The following SENP1 variants were observed in gnomAD, a reference collection of about 807,000 sequenced individuals.
SENP1 encodes SUMO specific peptidase 1.
SENP1 carries 21 observed loss-of-function variants against 93.0 expected under a neutral mutation model. That is an observed-to-expected ratio of 0.23 (90% CI 0.16 to 0.33). SENP1 has a LOEUF of 0.33. Among genes scored for constraint, SENP1 ranks in the 10% least tolerant of loss-of-function variants. The probability of loss-of-function intolerance (pLI) is 1.00; values close to 1 mark genes in which losing one functional copy is unlikely to be tolerated. For missense variants in SENP1, 591 were observed against 758.7 expected (o/e 0.78, Z 2.60); for synonymous variants, 256 against 259.6 (o/e 0.99, Z 0.13).
Position 48,101,268 on chromosome 12 carries a change from A to C in SENP1, c.4+201T>G, listed in dbSNP as rs533598227. Among the ~76,000 whole-genome samples, 24 of 152,392 alleles carry C rather than the reference A, an allele frequency of 1.6e-4. No homozygotes were observed. The East Asian group carries it at 4.2e-3, about 27-fold the overall frequency. ...GCTACTGCACTCCAGCCTGGGTGAC[A>C]GAGCAAGACTACGTTTCAAAAATAG... On this transcript the variant is annotated intron_variant, in intron 2 of 17. Coordinates refer to ENST00000549518, the MANE Select transcript of SENP1 (RefSeq NM_001267594.2).
intron 6 of SENP1, among the ~76,000 whole-genome samples, chr12:48,082,235 C>CA: frequency 6.6e-6 from 1 of 152,138 alleles, no homozygotes; most frequent in East Asian, 1.9e-4. Context: ...TTTTAGTAAC[C>CA]ATATCACAAA....
rs1345538550 is a variant in SENP1, at chr12:48,105,965, A to G, written c.-45+63T>C. ...CCCGGGCCGGCTGACCGGGTCCGACACAGTCTCCTGGACCAGGCTCCCTCC... is the reference window on the plus strand; with the variant it reads ...CCCGGGCCGGCTGACCGGGTCCGACGCAGTCTCCTGGACCAGGCTCCCTCC... On this transcript the variant is annotated intron_variant, in intron 1 of 17. Transcript: ENST00000549518. The G allele has an allele frequency of 3.9e-5, 27 of 698,170 alleles. No homozygotes were observed. In the Admixed American group the frequency reaches 5.4e-4, roughly 14 times the overall value. The allele number at this position is 698,170 out of a possible 1,614,324, so 43.2% of individuals were successfully genotyped here.
chr12:48,054,448 A>T (rs1294240314), intron 13 of SENP1, among the ~76,000 whole-genome samples: 1 of 152,148 alleles, frequency 6.6e-6, no homozygotes, highest in African/African-American at 2.4e-5. Context: ...TTTGCAGGGT[A>T]TATTTTTTCT....
intron 2 of SENP1, among the ~76,000 whole-genome samples, chr12:48,099,587 G>T (rs76276001): frequency 0.02 from 3,080 of 152,156 alleles, 46 homozygotes; most frequent in South Asian, 0.049. Flanking sequence ...AGGCTGAGGT[G>T]GGCGGATCAC....
chr12:48,043,464 A>G lies in SENP1; in HGVS notation c.*1858T>C. On this transcript the variant is annotated 3_prime_UTR_variant, in exon 18 of 18. Transcript: ENST00000549518. Reference sequence around the variant, plus strand: ...TGCCACCTTTCAAGTTGTTGCTTACATACAGTAAATACCAAGAACCAGACA... The same window carrying G: ...TGCCACCTTTCAAGTTGTTGCTTACGTACAGTAAATACCAAGAACCAGACA... 6.5e-6 allele frequency: 1 copy of G among 152,768 alleles called. No homozygotes were observed. The allele number at this position is 152,768 out of a possible 1,614,324, so 9.5% of individuals were successfully genotyped here.
At chr12:48,079,283 A>C (rs1014313430) in intron 6 of SENP1, among the ~76,000 whole-genome samples, 1 of 152,108 alleles carries the variant, frequency 6.6e-6, no homozygotes, top group Admixed American at 6.6e-5. Flanking sequence ...GTGGATCATG[A>C]AGTCAGTAGA....
Position 48,083,787 on chromosome 12 carries a change from A to G in SENP1, c.381-25T>C, listed in dbSNP as rs370894258. 1.5e-5 allele frequency: 23 copies of G among 1,509,178 alleles called. 1 individual carries two copies. The South Asian group carries it at 2.7e-4, about 18-fold the overall frequency. The allele number at this position is 1,509,178 out of a possible 1,614,324, so 93.5% of individuals were successfully genotyped here. On this transcript the variant is annotated intron_variant, in intron 5 of 17. Coordinates refer to ENST00000549518, the MANE Select transcript of SENP1 (RefSeq NM_001267594.2). ...ACTAAAAAAAGAGTTTGTAAGAAAG[A>G]TAAGAACAGATAATAAGTAAAATAA...
intron 9 of SENP1, among the ~76,000 whole-genome samples, chr12:48,069,584 C>T (rs762338536): frequency 1.3e-5 from 2 of 152,202 alleles, no homozygotes; most frequent in Non-Finnish European, 2.9e-5. Flanking sequence ...AAGAAAGTTG[C>T]ATGCATCTTG....
At chr12:48,094,228 A>G (rs1945404348) in intron 4 of SENP1, among the ~76,000 whole-genome samples, 1 of 152,086 alleles carries the variant, frequency 6.6e-6, no homozygotes, top group Admixed American at 6.6e-5. Context: ...ATTTTTCAAA[A>G]CATTAGCCAG....
chr12:48,093,892 G>C (rs1043034068), intron 4 of SENP1, among the ~76,000 whole-genome samples: 2 of 152,284 alleles, frequency 1.3e-5, no homozygotes, highest in African/African-American at 4.8e-5. Flanking sequence ...CAGCCAGGAG[G>C]TGCAGGTTGC....
At chr12:48,089,416 A>G (rs1011179663) in intron 4 of SENP1, 1 of 1,018,242 alleles carries the variant, frequency 9.8e-7, no homozygotes, top group African/African-American at 1.7e-5. Context: ...TTTAGTTACC[A>G]TGTTCAAGAC....
intron 6 of SENP1, among the ~76,000 whole-genome samples, chr12:48,076,632 T>C (rs1281459220): frequency 7.0e-6 from 1 of 142,436 alleles, no homozygotes; most frequent in African/African-American, 2.6e-5. Context: ...GCACCCAATA[T>C]GTAGTTTTTG....
At chr12:48,087,878 A>G (rs1469133522) in intron 5 of SENP1, among the ~76,000 whole-genome samples, 3 of 152,232 alleles carry the variant, frequency 2.0e-5, no homozygotes, top group Non-Finnish European at 4.4e-5. Flanking sequence ...GAATTTAAGT[A>G]GTCATAAATA....
intron 1 of SENP1, among the ~76,000 whole-genome samples, chr12:48,102,955 T>G (rs1460133832): frequency 6.6e-6 from 1 of 152,170 alleles, no homozygotes; most frequent in Admixed American, 6.5e-5. Context: ...ATGCTCAACT[T>G]AAAAGGCTTC....
intron 6 of SENP1, among the ~76,000 whole-genome samples, chr12:48,083,196 C>A (rs1458292412): frequency 6.6e-6 from 1 of 152,194 alleles, no homozygotes; most frequent in Non-Finnish European, 1.5e-5. Flanking sequence ...TGAGCCACGT[C>A]ACGTGGACTG....
At chr12:48,076,011 G>C (rs1165132067) in intron 6 of SENP1, among the ~76,000 whole-genome samples, 2 of 152,196 alleles carry the variant, frequency 1.3e-5, no homozygotes, top group African/African-American at 4.8e-5. Context: ...ATGTGAATCA[G>C]AAGAGTAGGA....
At position 48,088,830 on chromosome 12, in the gene SENP1, A is replaced by G; in HGVS notation, c.351T>C (p.Ser117=). The G allele has an allele frequency of 6.2e-7, 1 of 1,609,632 alleles. No individual in the cohort carries two copies. Among genetic ancestry groups the G allele is most frequent in the Non-Finnish European group, 8.5e-7 (1 of 1,177,850 alleles). ...SSLQKSRNSR[S]LYLETRKTSS... is the part of the protein sequence containing the mutation. ...AGGTCTTTCGGGTTTCGAGGTAAAG[A>G]CTTCGGCTGTTTCTTGATTTTTGTA... The change falls in exon 5 of 18, where the codon AGT becomes AGC. Residue 117 remains serine, a synonymous_variant. Transcript: ENST00000549518.
At chr12:48,050,356 C>T (rs1941705727) in intron 13 of SENP1, among the ~76,000 whole-genome samples, 1 of 152,176 alleles carries the variant, frequency 6.6e-6, no homozygotes, top group South Asian at 2.1e-4. Flanking sequence ...AGGAACACAC[C>T]GGAGCACGGT....
At chr12:48,087,049 AAAAACAAAAC>A (rs541113962) in intron 5 of SENP1, among the ~76,000 whole-genome samples, 62 of 151,952 alleles carry the variant, frequency 4.1e-4, no homozygotes, top group African/African-American at 9.9e-4. Context: ...AACAAAACAA[AAAAACAAAAC>A]AAAACAAAAC....
Sources: gnomAD v4.1 joint callset for allele counts (sites outside exome capture counted in the v4.1 genomes callset) on GRCh38, gnomAD v4.1.1 for gene constraint, MANE v1.5 for transcripts, NCBI Gene and HGNC (gene_info 2026-07-23, HGNC 2026-07-21) for gene names.